Variants in SMARCE1 observed in about 807,000 individuals in gnomAD.
SMARCE1 encodes the protein SWI/SNF-related matrix-associated actin-dependent regulator of chromatin subfamily E member 1.
Under a neutral mutation model 54.9 loss-of-function variants are expected in SMARCE1, and 13 were observed. The ratio of observed to expected loss-of-function variants is 0.24; its 90% CI spans 0.15 to 0.38. The LOEUF (loss-of-function observed/expected upper bound fraction) is 0.38, where lower values mean the gene tolerates loss of function less well. Among genes scored for constraint, SMARCE1 ranks in the 10% least tolerant of loss-of-function variants. The pLI, the probability that SMARCE1 is intolerant of heterozygous loss-of-function variation, is 1.00. For missense variants in SMARCE1, 295 were observed against 523.8 expected (o/e 0.56, Z 4.26); for synonymous variants, 151 against 175.3 (o/e 0.86, Z 1.10).
chr17:40,637,603 A>C lies in SMARCE1; in HGVS notation c.157-31T>G, dbSNP rs1159355416. On this transcript the variant is annotated intron_variant, in intron 4 of 10. Transcript: ENST00000348513. Reference sequence around the variant, plus strand: ...AAAGAGTTAAATACATTCATTATTCAACTGTAAGGAGTTCACTGGCAAACT... The same window carrying C: ...AAAGAGTTAAATACATTCATTATTCCACTGTAAGGAGTTCACTGGCAAACT... 1.9e-6 allele frequency: 3 copies of C among 1,555,136 alleles called. No homozygotes were observed. In the African/African-American group the frequency reaches 4.1e-5, roughly 21 times the overall value.
At chr17:40,646,768 T>C (rs2037261211) in intron 1 of SMARCE1, among the ~76,000 whole-genome samples, 2 of 152,210 alleles carry the variant, frequency 1.3e-5, no homozygotes, top group Non-Finnish European at 2.9e-5. Flanking sequence ...TCTATGACTA[T>C]TGGAGGTATT....
chr17:40,632,105 C>T, intron 8 of SMARCE1, 90 bp downstream of exon 8: 1 of 994,182 alleles, frequency 1.0e-6, no homozygotes, highest in Non-Finnish European at 1.5e-6. Flanking sequence ...ACATATTTAA[C>T]AGGTAGATTT....
intron 4 of SMARCE1, among the ~76,000 whole-genome samples, chr17:40,638,801 G>GT (rs1253922823): frequency 6.6e-6 from 1 of 152,134 alleles, no homozygotes; most frequent in Non-Finnish European, 1.5e-5. Context: ...GAAAACTAAA[G>GT]TAACATTTTG....
intron 3 of SMARCE1, chr17:40,645,127 A>G (rs1350132667): frequency 9.8e-6 from 2 of 204,348 alleles, no homozygotes; most frequent in Non-Finnish European, 1.9e-5. Context: ...AATATTTACA[A>G]TGAGTAGTTT....
At chr17:40,633,532 G>A (rs1289601605) in intron 7 of SMARCE1, 1 of 152,048 alleles carries the variant, frequency 6.6e-6, no homozygotes, top group Non-Finnish European at 1.5e-5. Context: ...TGACCCACCA[G>A]ACAGGGAGGA....
intron 3 of SMARCE1, 36 bp downstream of exon 3, chr17:40,645,540 G>A: frequency 6.8e-7 from 1 of 1,461,026 alleles, no homozygotes; most frequent in South Asian, 1.3e-5. Flanking sequence ...CAAGGCCAGA[G>A]TTGGCTATTA....
intron 10 of SMARCE1, 23 bp from the exon 11 acceptor site, chr17:40,629,016 G>A (rs888509398): frequency 5.0e-6 from 8 of 1,597,012 alleles, no homozygotes; most frequent in Admixed American, 1.7e-5. Context: ...ATTTGTCACT[G>A]TCAGTTCCAA....
chr17:40,627,811 T>C lies in SMARCE1; in HGVS notation c.*974A>G, dbSNP rs2037050501. The C allele has an allele frequency of 6.6e-6, 1 of 152,636 alleles. No homozygotes were observed. The highest frequency in any genetic ancestry group is 1.5e-5 in the Non-Finnish European group (1 of 68,040). 9.5% of individuals were successfully genotyped at this position (152,636 alleles called of 1,614,324 possible). On this transcript the variant is annotated 3_prime_UTR_variant, in exon 11 of 11. Coordinates refer to ENST00000348513, the MANE Select transcript of SMARCE1 (RefSeq NM_003079.5). ...AATCTATTCTAGTTTTTGGGAAGCT[T>C]ATGTGTCACAAACTATCTTGCTTCT...
rs747992471 is a variant in SMARCE1 at position 40,632,180 on chromosome 17, G to A, written c.714+15C>T. On this transcript the variant is annotated intron_variant, in intron 8 of 10. Transcript: ENST00000348513. Reference sequence around the variant, plus strand: ...ATAGGCACATCTTATTGAAATGAATGTTTTATGACTTTACCTGATGAACCA... The same window carrying A: ...ATAGGCACATCTTATTGAAATGAATATTTTATGACTTTACCTGATGAACCA... The A allele has an allele frequency of 3.1e-6, 5 of 1,599,444 alleles. No homozygotes were observed. In the East Asian group the frequency reaches 6.7e-5, roughly 21 times the overall value.
Position 40,628,983 on chromosome 17 carries a change from G to A in SMARCE1, c.1038C>T (p.His346=). The change falls in exon 11 of 11, where the codon CAC becomes CAT. Residue 346 remains histidine (H), a synonymous_variant. Coordinates refer to ENST00000348513, the MANE Select transcript of SMARCE1 (RefSeq NM_003079.5). ...ENIPMETEET[H]LEETTESQQN... is the part of the protein sequence containing the mutation. ...GTTGGCTCTCTGTTGTTTCTTCAAG[G>A]TGTGTCTCCTCTGTAATCACACATT... 1 of 1,613,314 alleles carries A rather than the reference G, an allele frequency of 6.2e-7. No homozygotes were observed. The highest frequency in any genetic ancestry group is 1.1e-5 in the South Asian group (1 of 91,052).
chr17:40,630,659 A>T lies in SMARCE1; in HGVS notation c.1027+55T>A, dbSNP rs1246215776. The T allele has an allele frequency of 2.1e-6, 3 of 1,448,356 alleles. No individual in the cohort carries two copies. In the African/African-American group the frequency reaches 4.2e-5, roughly 20 times the overall value. The allele number at this position is 1,448,356 out of a possible 1,614,324, so 89.7% of individuals were successfully genotyped here. On this transcript the variant is annotated intron_variant, in intron 10 of 10. Transcript: ENST00000348513. ...CACTTAGAAAGAAAAACCTAAATTA[A>T]AGACAGCCGTACAAAGTCTTGGCAC...
At chr17:40,638,414 G>A (rs1465057375) in intron 4 of SMARCE1, among the ~76,000 whole-genome samples, 1 of 151,778 alleles carries the variant, frequency 6.6e-6, no homozygotes, top group Non-Finnish European at 1.5e-5. Flanking sequence ...AAAAGGAGGC[G>A]GAGGGAAGAC....
At chr17:40,631,062 C>CA (rs1287949146) in intron 9 of SMARCE1, 138 bp from the exon 10 acceptor site, 2 of 652,950 alleles carry the variant, frequency 3.1e-6, no homozygotes, top group Middle Eastern at 3.5e-4. Context: ...GTGTGTGTGC[C>CA]AAAAAAATGT....
chr17:40,632,040 T>TG (rs1334209937), intron 8 of SMARCE1, 155 bp downstream of exon 8: 1 of 603,382 alleles, frequency 1.7e-6, no homozygotes, highest in Non-Finnish European at 2.9e-6. Flanking sequence ...ATTAAACATC[T>TG]GGGAAAGGTC....
chr17:40,639,165 T>C (rs1377225316), intron 4 of SMARCE1, among the ~76,000 whole-genome samples: 2 of 152,118 alleles, frequency 1.3e-5, no homozygotes, highest in Non-Finnish European at 2.9e-5. Flanking sequence ...TCAAAAGTGG[T>C]AGGATGGGCA....
chr17:40,633,442 A>C (rs2143990833), intron 7 of SMARCE1: 1 of 151,838 alleles, frequency 6.6e-6, no homozygotes, highest in Admixed American at 6.6e-5. Flanking sequence ...AAACTAACTC[A>C]CTTAAAAAAA....
intron 6 of SMARCE1, 78 bp downstream of exon 6, chr17:40,636,317 A>T: frequency 6.8e-7 from 1 of 1,467,452 alleles, no homozygotes. Flanking sequence ...ACCAAATCTT[A>T]TGTTACTTTT....
At chr17:40,639,533 A>C (rs777874247) in intron 4 of SMARCE1, among the ~76,000 whole-genome samples, 1 of 152,198 alleles carries the variant, frequency 6.6e-6, no homozygotes, top group African/African-American at 2.4e-5. Context: ...TCAAAGAATC[A>C]CATTTTATAT....
In SMARCE1 at chr17:40,628,728, C is replaced by T. The variant is rs1567844575; in HGVS notation, c.*57G>A. 3 of 1,464,740 alleles carry T rather than the reference C, an allele frequency of 2.0e-6. No homozygotes were observed. Among genetic ancestry groups the T allele is most frequent in the Admixed American group, 3.4e-5 (2 of 58,682 alleles). 90.7% of individuals were successfully genotyped at this position (1,464,740 alleles called of 1,614,324 possible). A position where few individuals can be genotyped will look rare whatever the true frequency, so the allele number is the denominator to read the frequency against. On this transcript the variant is annotated 3_prime_UTR_variant, in exon 11 of 11. Transcript: ENST00000348513. The stretch of plus-strand genomic sequence containing the variant: ...CACAAACCACGTAACACCATTAAAA[C>T]CAAAAAACATTTTTTCATTAAAAAA...
Sources: gnomAD v4.1 joint callset for allele counts (sites outside exome capture counted in the v4.1 genomes callset) on GRCh38, gnomAD v4.1.1 for gene constraint, MANE v1.5 for transcripts, NCBI Gene and HGNC (gene_info 2026-07-23, HGNC 2026-07-21) for gene names.